CYREN: variants seen among roughly 807,000 people sequenced by gnomAD.
The protein encoded by CYREN is cell cycle regulator of non-homologous end joining.
A neutral mutation model predicts 9.7 loss-of-function variants in CYREN; 7 were observed. The ratio of observed to expected loss-of-function variants is 0.72; its 90% CI spans 0.41 to 1.36. The LOEUF is 1.36. Ranked by LOEUF, CYREN falls within the 40% of genes most tolerant of loss-of-function variation. The pLI, the probability that CYREN is intolerant of heterozygous loss-of-function variation, is 0.01. For missense variants in CYREN, 215 were observed against 198.1 expected, an observed-to-expected ratio of 1.09 and a Z score of -0.51; for synonymous variants, 76 against 77.9, an observed-to-expected ratio of 0.98 and a Z score of 0.13.
chr7:135,134,450 T>C lies in CYREN; in HGVS notation n.356+34299A>G, dbSNP rs552528056. 4.6e-5 allele frequency among the ~76,000 whole-genome samples: 7 copies of C among 152,240 alleles called. No homozygotes were observed. In the South Asian group the frequency reaches 1.4e-3, roughly 32 times the overall value. Reference sequence around the variant, plus strand: ...TTACTGGTTATAGAAAAAAATCTCATAGCATATATACTGAATCCATTCTAA... The same window carrying C: ...TTACTGGTTATAGAAAAAAATCTCACAGCATATATACTGAATCCATTCTAA... On this transcript the variant is annotated intron_variant and non_coding_transcript_variant, in intron 2 of 2. Coordinates refer to the CYREN transcript ENST00000459937.
intron 2 of CYREN, among the ~76,000 whole-genome samples, chr7:135,146,233 C>G (rs552124951): frequency 1.3e-5 from 2 of 152,056 alleles, no homozygotes; most frequent in African/African-American, 2.4e-5. Flanking sequence ...TCAGAACACA[C>G]GGTCAGAACA....
chr7:135,166,441 C>G lies in CYREN; in HGVS notation c.*170G>C, dbSNP rs929076385. Reference sequence around the variant, plus strand: ...CACTCAGAACGGCAGCCCCAAGGCCCGGAGTGTCCAGGGGCTTCTGGCCTG... The same window carrying G: ...CACTCAGAACGGCAGCCCCAAGGCCGGGAGTGTCCAGGGGCTTCTGGCCTG... On this transcript the variant is annotated 3_prime_UTR_variant, in exon 4 of 4. Transcript: ENST00000393114. 9 of 1,074,148 alleles carry G rather than the reference C, an allele frequency of 8.4e-6. No homozygotes were observed. Among genetic ancestry groups the G allele is most frequent in the African/African-American group, 4.7e-5 (3 of 63,268 alleles). 66.5% of individuals were successfully genotyped at this position (1,074,148 alleles called of 1,614,324 possible).
downstream of CYREN, among the ~76,000 whole-genome samples, chr7:135,161,740 C>T (rs749445182): frequency 2.6e-5 from 4 of 152,192 alleles, no homozygotes; most frequent in African/African-American, 9.6e-5. The surrounding 1 kb of genome is among the most constrained non-coding windows in gnomAD (Gnocchi z 4.1). Context: ...CATTCAAACC[C>T]GAGTCTTCAG....
chr7:135,129,092 T>C, intron 2 of CYREN: 15 of 1,595,792 alleles, frequency 9.4e-6, no homozygotes. Context: ...CAGTGGCCAC[T>C]ACTGGTCAGG....
intron 2 of CYREN, among the ~76,000 whole-genome samples, chr7:135,112,214 T>C (rs1475634074): frequency 6.6e-6 from 1 of 152,230 alleles, no homozygotes; most frequent in Non-Finnish European, 1.5e-5. Context: ...CCTCCTAATT[T>C]GTCTCCCTGC....
intron 2 of CYREN, among the ~76,000 whole-genome samples, chr7:135,108,675 G>A (rs1825143820): frequency 6.6e-6 from 1 of 152,020 alleles, no homozygotes; most frequent in African/African-American, 2.4e-5. Flanking sequence ...ATGTGTCTTG[G>A]GAATGATCTT....
chr7:135,105,961 T>C (rs1246027792), intron 2 of CYREN, among the ~76,000 whole-genome samples: 1 of 152,162 alleles, frequency 6.6e-6, no homozygotes, highest in Non-Finnish European at 1.5e-5. Context: ...CCTCCCTAGT[T>C]ACCAATATTC....
chr7:135,109,954 C>A (rs1180359463), intron 2 of CYREN, among the ~76,000 whole-genome samples: 1 of 152,188 alleles, frequency 6.6e-6, no homozygotes, highest in African/African-American at 2.4e-5. Context: ...TGACTGGTGA[C>A]CCTGGTTGAG....
intron 2 of CYREN, among the ~76,000 whole-genome samples, chr7:135,102,119 G>C (rs1327006841): frequency 1.3e-5 from 2 of 152,080 alleles, no homozygotes; most frequent in African/African-American, 4.8e-5. Context: ...GTCTTTATCA[G>C]CAGCATAAAA....
At chr7:135,115,837 C>A in intron 2 of CYREN, 1 of 450,540 alleles carries the variant, frequency 2.2e-6, no homozygotes, top group Non-Finnish European at 3.9e-6. Flanking sequence ...TGAAACTACT[C>A]ATTAATTTAG....
At chr7:135,128,787 A>G in intron 2 of CYREN, 1 of 1,241,078 alleles carries the variant, frequency 8.1e-7, no homozygotes, top group South Asian at 1.3e-5. Flanking sequence ...GAACTTCTGG[A>G]TCTGATACAG....
At chr7:135,129,006 C>G in intron 2 of CYREN, 2 of 1,601,560 alleles carry the variant, frequency 1.2e-6, no homozygotes, top group Non-Finnish European at 1.7e-6. Context: ...CAAAGACTGT[C>G]TGAAGGACTA....
chr7:135,132,860 T>C (rs546047484), intron 2 of CYREN, among the ~76,000 whole-genome samples: 30 of 152,306 alleles, frequency 2.0e-4, no homozygotes, highest in African/African-American at 7.2e-4. Flanking sequence ...GCATTGGGTA[T>C]GTTTTTATTA....
chr7:135,159,216 T>C (rs944274758), intron 2 of CYREN, among the ~76,000 whole-genome samples: 3 of 152,248 alleles, frequency 2.0e-5, no homozygotes, highest in Admixed American at 2.0e-4. Context: ...CTGTTCAAAA[T>C]GGATCCACTT....
intron 2 of CYREN, among the ~76,000 whole-genome samples, chr7:135,156,889 C>T (rs1481620110): frequency 2.6e-5 from 4 of 152,086 alleles, no homozygotes; most frequent in Non-Finnish European, 5.9e-5. Context: ...CTGGTCTTTC[C>T]CATGCTATTC....
intron 2 of CYREN, among the ~76,000 whole-genome samples, chr7:135,159,145 CCTT>C (rs767645932): frequency 2.5e-4 from 38 of 152,226 alleles, no homozygotes; most frequent in Non-Finnish European, 5.1e-4. Context: ...CGAATCCTCT[CCTT>C]ACTTCTCATG....
intron 2 of CYREN, among the ~76,000 whole-genome samples, chr7:135,105,183 C>A (rs960031544): frequency 1.3e-5 from 2 of 149,054 alleles, no homozygotes; most frequent in Admixed American, 1.4e-4. Context: ...GATTCTCTTG[C>A]CTCAGCCTCC....
intron 1 of CYREN, chr7:135,169,544 T>A (rs1292018095): frequency 6.6e-6 from 1 of 152,260 alleles, no homozygotes; most frequent in Non-Finnish European, 1.5e-5. Flanking sequence ...CACGCCGCCC[T>A]TAAGCTAAAG....
chr7:135,133,100 A>C (rs565974034), intron 2 of CYREN, among the ~76,000 whole-genome samples: 3 of 146,530 alleles, frequency 2.0e-5, no homozygotes, highest in Admixed American at 6.8e-5. Flanking sequence ...CACACACACA[A>C]CCTTTAGAAT....
Sources: gnomAD v4.1 joint callset for allele counts (sites outside exome capture counted in the v4.1 genomes callset) on GRCh38, gnomAD v4.1.1 for gene constraint, Gnocchi (gnomAD v3.1) non-coding constraint, MANE v1.5 for transcripts, NCBI Gene and HGNC (gene_info 2026-07-23, HGNC 2026-07-21) for gene names.